Variants in CLTCL1 observed in about 807,000 individuals in gnomAD.
CLTCL1 encodes clathrin heavy chain 2.
A neutral mutation model predicts 190.0 loss-of-function variants in CLTCL1; 159 were observed. The ratio of observed to expected loss-of-function variants is 0.84; its 90% CI spans 0.74 to 0.95. The LOEUF (loss-of-function observed/expected upper bound fraction) is 0.95. CLTCL1 is among the 40% of genes least tolerant of loss of function. The probability of loss-of-function intolerance (pLI) is 0.00; values close to 1 mark genes in which losing one functional copy is unlikely to be tolerated. For synonymous variants in CLTCL1, 752 were observed against 769.6 expected, an observed-to-expected ratio of 0.98 and a Z score of 0.38; for missense variants, 1,878 against 2,033.4, an observed-to-expected ratio of 0.92 and a Z score of 1.47.
intron 24 of CLTCL1, 23 bp from the exon 25 acceptor site, chr22:19,196,679 T>A: frequency 6.3e-7 from 1 of 1,599,726 alleles, no homozygotes; most frequent in East Asian, 2.3e-5. Flanking sequence ...CAGCCACGCG[T>A]GGGGCAGAGT....
At chr22:19,192,529 G>A (rs1425836785) in intron 26 of CLTCL1, among the ~76,000 whole-genome samples, 2 of 152,226 alleles carry the variant, frequency 1.3e-5, no homozygotes, top group African/African-American at 4.8e-5. Context: ...GGGCACAGCT[G>A]GAGCTAAAGT....
At chr22:19,277,678 T>C (rs1555984195) in intron 1 of CLTCL1, among the ~76,000 whole-genome samples, 1 of 152,208 alleles carries the variant, frequency 6.6e-6, no homozygotes. Context: ...TTATTAAGCA[T>C]AGGAAAAACC....
intron 2 of CLTCL1, among the ~76,000 whole-genome samples, chr22:19,270,342 T>A (rs1295604757): frequency 1.3e-5 from 2 of 151,992 alleles, no homozygotes; most frequent in Admixed American, 1.3e-4. Flanking sequence ...TAAACAGGCA[T>A]GAGGAAACTT....
chr22:19,213,659 C>G (rs2085299227), intron 19 of CLTCL1, among the ~76,000 whole-genome samples: 1 of 152,206 alleles, frequency 6.6e-6, no homozygotes, highest in Admixed American at 6.5e-5. Flanking sequence ...CATCATCACG[C>G]TGGGTGAAAG....
intron 2 of CLTCL1, chr22:19,257,578 T>C (rs1601668019): frequency 2.6e-6 from 1 of 389,800 alleles, no homozygotes; most frequent in South Asian, 2.2e-5. Flanking sequence ...CTGGGATCCG[T>C]CCAGCCGCCC....
chr22:19,200,329 T>TA (rs576145476), intron 23 of CLTCL1, among the ~76,000 whole-genome samples: 8 of 152,344 alleles, frequency 5.3e-5, no homozygotes, highest in Admixed American at 5.2e-4. Flanking sequence ...AATAATCACA[T>TA]AAGCCAGTGT....
At chr22:19,262,111 C>T (rs1382551408) in intron 2 of CLTCL1, among the ~76,000 whole-genome samples, 3 of 151,896 alleles carry the variant, frequency 2.0e-5, no homozygotes, top group Non-Finnish European at 4.4e-5. Flanking sequence ...CTGCAACCTC[C>T]ACCTCCCGGA....
intron 16 of CLTCL1, 142 bp from the exon 17 acceptor site, chr22:19,221,753 A>G: frequency 1.0e-6 from 1 of 978,200 alleles, no homozygotes; most frequent in Non-Finnish European, 1.5e-6. Context: ...ACCAAGATGG[A>G]CCTGGTTTCC....
chr22:19,217,344 C>T (rs1555950018), intron 18 of CLTCL1, among the ~76,000 whole-genome samples: 1 of 152,104 alleles, frequency 6.6e-6, no homozygotes, highest in East Asian at 1.9e-4. Flanking sequence ...AGGCCGGCCG[C>T]GGTGGCTCAT....
At chr22:19,247,693 T>A (rs2086462796) in intron 3 of CLTCL1, among the ~76,000 whole-genome samples, 1 of 151,978 alleles carries the variant, frequency 6.6e-6, no homozygotes, top group African/African-American at 2.4e-5. Context: ...CCCAAGTAGC[T>A]GGGATTACAG....
chr22:19,238,682 G>A (rs542369383), intron 5 of CLTCL1: 2 of 171,450 alleles, frequency 1.2e-5, no homozygotes, highest in African/African-American at 2.4e-5. Context: ...TTGATGTAAA[G>A]GTGAATAATT....
At chr22:19,235,934 C>A (rs1414033775) in intron 5 of CLTCL1, 65 bp from the exon 6 acceptor site, 3 of 1,348,446 alleles carry the variant, frequency 2.2e-6, no homozygotes, top group African/African-American at 2.9e-5. Context: ...GTAAAAAGAG[C>A]TCACAAATGA....
chr22:19,196,192 C>T lies in CLTCL1; in HGVS notation c.4191+74G>A, dbSNP rs1004500843. 2.4e-5 allele frequency: 36 copies of T among 1,490,092 alleles called. 1 individual carries two copies. The African/African-American group carries it at 4.5e-4, about 19-fold the overall frequency. 92.3% of individuals were successfully genotyped at this position (1,490,092 alleles called of 1,614,324 possible). On this transcript the variant is annotated intron_variant, in intron 26 of 32. Transcript: ENST00000427926. ...ATGCTGGTACTCATTCCACTCCCAC[C>T]TGCCCATTCCCCTGCACCCAGAATA...
chr22:19,180,857 G>C, intron 30 of CLTCL1, 51 bp from the exon 31 acceptor site: 1 of 1,536,266 alleles, frequency 6.5e-7, no homozygotes, highest in Non-Finnish European at 9.0e-7. Flanking sequence ...GTGCAGTCCG[G>C]CCTCTAGGTG....
chr22:19,268,899 G>C (rs1601700101), intron 2 of CLTCL1, among the ~76,000 whole-genome samples: 1 of 152,108 alleles, frequency 6.6e-6, no homozygotes, highest in East Asian at 1.9e-4. Flanking sequence ...AGACCATCCT[G>C]GCCAACATGG....
At position 19,291,611 on chromosome 22, in the gene CLTCL1, C is replaced by G; in HGVS notation, c.31G>C (p.Glu11Gln). The G allele has an allele frequency of 7.1e-7, 1 of 1,401,404 alleles. No individual in the cohort carries two copies. Among genetic ancestry groups the G allele is most frequent in the Non-Finnish European group, 9.4e-7 (1 of 1,063,962 alleles). 86.8% of individuals were successfully genotyped at this position (1,401,404 alleles called of 1,614,324 possible). ...CCGCCGGGCCTCACCTGGAAGTGCT[C>G]CTGAAAGCGAACAGGGAGGATCTGC... MAQILPVRFQ[E>Q]HFQLQNLGIN... Residue 11 changes from glutamate to glutamine, a missense_variant, in exon 1 of 33, where the codon GAG becomes CAG. Transcript: ENST00000427926.
At chr22:19,253,759 G>A (rs2086667734) in intron 3 of CLTCL1, among the ~76,000 whole-genome samples, 200 bp downstream of exon 3, 1 of 151,180 alleles carries the variant, frequency 6.6e-6, no homozygotes, top group African/African-American at 2.4e-5. Context: ...GGAGTGCAGT[G>A]GCGCAATCTT....
chr22:19,190,671 T>C (rs2084467650), intron 27 of CLTCL1, among the ~76,000 whole-genome samples: 1 of 151,160 alleles, frequency 6.6e-6, no homozygotes, highest in African/African-American at 2.4e-5. Flanking sequence ...ATTTGAAATA[T>C]TGTGAGAAAT....
intron 22 of CLTCL1, among the ~76,000 whole-genome samples, chr22:19,205,864 T>C (rs1555942438): frequency 1.3e-5 from 2 of 152,192 alleles, no homozygotes. Context: ...GAATTTTACT[T>C]GGTTACAGAA....
Sources: allele counts gnomAD v4.1 joint callset (sites outside exome capture counted in the v4.1 genomes callset), GRCh38; gene constraint gnomAD v4.1.1; transcripts MANE v1.5; gene names NCBI Gene and HGNC (gene_info 2026-07-23, HGNC 2026-07-21).